Variants in SLC45A4 observed in about 807,000 individuals in gnomAD.
SLC45A4 encodes solute carrier family 45 member 4.
SLC45A4 carries 32 observed loss-of-function variants against 63.7 expected under a neutral mutation model. The ratio of observed to expected loss-of-function variants is 0.50; its 90% CI spans 0.38 to 0.67. The LOEUF is 0.67. SLC45A4 is among the 30% of genes least tolerant of loss of function. SLC45A4 has a pLI of 0.00. For synonymous variants in SLC45A4, 535 were observed against 510.0 expected, an observed-to-expected ratio of 1.05 and a Z score of -0.66; for missense variants, 1,027 against 1,157.7, an observed-to-expected ratio of 0.89 and a Z score of 1.64.
Position 141,211,621 on chromosome 8 carries a change from TAAAG to T in SLC45A4, c.2374_2377del (p.Leu792MetfsTer60). The T allele has an allele frequency of 1.9e-6, 3 of 1,612,114 alleles. No individual in the cohort carries two copies. The highest frequency in any genetic ancestry group is 1.1e-5 in the South Asian group (1 of 90,874). On this transcript the variant is annotated frameshift_variant, in exon 9 of 9. Transcript: ENST00000517878. LOFTEE classifies it low-confidence loss of function (END_TRUNC). The stretch of plus-strand genomic sequence containing the variant: ...GAAAATTTTTTTTCTAAAATAATCA[TAAAG>T]AAAAATACTCTCCAACAGCTGCGGC...
rs905647777 is a variant in SLC45A4 at position 141,254,989 on chromosome 8, C to T, written c.-400-360G>A. Among the ~76,000 whole-genome samples the T allele has an allele frequency of 5.3e-5, 8 of 152,094 alleles. No homozygotes were observed. The highest frequency in any genetic ancestry group is 2.0e-4 in the Admixed American group (3 of 15,272). ...ATTCCAGCAGGCTGGAGGCAGCTGG[C>T]GACACCCTTTGTGGCTGCAGATATC... is the stretch of plus-strand genomic sequence containing the variant. On this transcript the variant is annotated intron_variant, in intron 1 of 8. Transcript: ENST00000517878. This position sits in a 1 kb window ranked among gnomAD's most constrained non-coding sequence, Gnocchi z 4.5.
chr8:141,289,787 C>T (rs1401796556), intron 1 of SLC45A4, among the ~76,000 whole-genome samples: 1 of 152,044 alleles, frequency 6.6e-6, no homozygotes, highest in African/African-American at 2.4e-5. Context: ...GTCTTCCAGC[C>T]CAGCCCAGGG....
intron 2 of SLC45A4, chr8:141,252,648 CGTCTGTG>C (rs2154614667): frequency 9.3e-6 from 1 of 107,530 alleles, no homozygotes; most frequent in South Asian, 3.1e-4. Context: ...TGCCCACCTG[CGTCTGTG>C]AATTTCCGTT....
chr8:141,274,852 C>T (rs1260310401), intron 1 of SLC45A4, among the ~76,000 whole-genome samples: 1 of 152,222 alleles, frequency 6.6e-6, no homozygotes, highest in African/African-American at 2.4e-5. Context: ...CTGCAAAACC[C>T]TTCTACTTCC....
chr8:141,260,927 G>C, intron 1 of SLC45A4, among the ~76,000 whole-genome samples: 1 of 152,158 alleles, frequency 6.6e-6, no homozygotes. Context: ...AACCAAAAAA[G>C]AGAATTTTAG....
In SLC45A4 at chr8:141,228,589, T is replaced by A. The variant is rs1042804164; in HGVS notation, c.242-6824A>T. On this transcript the variant is annotated intron_variant, in intron 2 of 8. Transcript: ENST00000517878. ...CTGCCCTATCAGCACAGCCACCCAT[T>A]CTCGGCTCTTTAAAACAGATGTTGC... 9 of 1,159,376 alleles carry A rather than the reference T, an allele frequency of 7.8e-6. No individual in the cohort carries two copies. The African/African-American group carries it at 1.3e-4, about 16-fold the overall frequency. 71.8% of individuals were successfully genotyped at this position (1,159,376 alleles called of 1,614,324 possible). A position where few individuals can be genotyped will look rare whatever the true frequency, so the allele number is the denominator to read the frequency against.
intron 1 of SLC45A4, among the ~76,000 whole-genome samples, chr8:141,281,184 C>G (rs546189866): frequency 1.3e-5 from 2 of 152,036 alleles, no homozygotes; most frequent in African/African-American, 4.8e-5. Flanking sequence ...ACTAAAAGTA[C>G]AAAAATTAGC....
Position 141,227,400 on chromosome 8 carries a change from ATTCT to A in SLC45A4, c.242-5639_242-5636del, listed in dbSNP as rs1351360768. On this transcript the variant is annotated intron_variant, in intron 2 of 8. Coordinates refer to ENST00000517878, the MANE Select transcript of SLC45A4 (RefSeq NM_001286646.2). The surrounding 1 kb of genome is among the most constrained non-coding windows in gnomAD (Gnocchi z 4.4). ...ATCCGCAATGGGAACAGGAACTTGC[ATTCT>A]TTCTTTCAATGGACAAAGCTTCCAC... Among the ~76,000 whole-genome samples the A allele has an allele frequency of 1.3e-5, 2 of 152,220 alleles. No homozygotes were observed. Among genetic ancestry groups the A allele is most frequent in the Non-Finnish European group, 2.9e-5 (2 of 68,034 alleles).
At position 141,254,356 on chromosome 8, in the gene SLC45A4, C is replaced by G. The variant is rs969972588; in HGVS notation, c.-127G>C. 8 of 1,098,732 alleles carry G rather than the reference C, an allele frequency of 7.3e-6. No individual in the cohort carries two copies. In the African/African-American group the frequency reaches 1.3e-4, roughly 17 times the overall value. 68.1% of individuals were successfully genotyped at this position (1,098,732 alleles called of 1,614,324 possible). A position where few individuals can be genotyped will look rare whatever the true frequency, so the allele number is the denominator to read the frequency against. On this transcript the variant is annotated 5_prime_UTR_variant, in exon 2 of 9. Coordinates refer to ENST00000517878, the MANE Select transcript of SLC45A4 (RefSeq NM_001286646.2). This position sits in a 1 kb window ranked among gnomAD's most constrained non-coding sequence, Gnocchi z 4.5. ...TGCTGTGTTCCTCGGGCAGGTAACA[C>G]TTACATTCCTCTTTGCACAAGTGGC...
At chr8:141,242,618 C>A (rs375946137) in intron 2 of SLC45A4, among the ~76,000 whole-genome samples, 1 of 152,318 alleles carries the variant, frequency 6.6e-6, no homozygotes, top group South Asian at 2.1e-4. Context: ...CGTGGTACAT[C>A]GGTGAGTGCC....
chr8:141,218,060 A>G lies in SLC45A4; in HGVS notation c.1580T>C (p.Val527Ala), dbSNP rs765816921. The change falls in exon 5 of 9, where the codon GTG (valine) becomes GCG (alanine). Residue 527 changes from valine (V) to alanine (A), a missense_variant. By Grantham distance (64) the Val-to-Ala change is moderately conservative. Coordinates refer to ENST00000517878, the MANE Select transcript of SLC45A4 (RefSeq NM_001286646.2). ...CTGGCCCATGAAGTCGGTGTAGAAC[A>G]CGGCCTCGGCGATGACAGAGAACCA... ...LTWFSVIAEA[V>A]FYTDFMGQVI... 1.9e-6 allele frequency: 3 copies of G among 1,608,176 alleles called. No individual in the cohort carries two copies. In the South Asian group the frequency reaches 3.3e-5, roughly 18 times the overall value.
At chr8:141,258,382 C>T (rs1386463501) in intron 1 of SLC45A4, among the ~76,000 whole-genome samples, 2 of 152,220 alleles carry the variant, frequency 1.3e-5, no homozygotes. Flanking sequence ...CCAAGCAGCT[C>T]AGCTGCGCTC....
At chr8:141,299,116 G>A (rs953849096) in intron 1 of SLC45A4, among the ~76,000 whole-genome samples, 6 of 152,274 alleles carry the variant, frequency 3.9e-5, no homozygotes, top group Admixed American at 6.5e-5. Context: ...GAGTGCTGGA[G>A]ACAGAAACCC....
intron 1 of SLC45A4, among the ~76,000 whole-genome samples, chr8:141,261,997 T>C (rs1436217246): frequency 6.6e-6 from 1 of 152,130 alleles, no homozygotes; most frequent in Non-Finnish European, 1.5e-5. Flanking sequence ...CAAAACAGCA[T>C]GGTACTGGTA....
At chr8:141,245,136 A>C (rs1421767065) in intron 2 of SLC45A4, among the ~76,000 whole-genome samples, 1 of 152,190 alleles carries the variant, frequency 6.6e-6, no homozygotes, top group Non-Finnish European at 1.5e-5. Flanking sequence ...CAGTAATAAC[A>C]GCTAACAATT....
At chr8:141,252,367 T>C (rs1280101043) in intron 2 of SLC45A4, 2 of 164,222 alleles carry the variant, frequency 1.2e-5, no homozygotes, top group African/African-American at 4.9e-5. Flanking sequence ...GCGTCTCTGT[T>C]AATTTCCGTG....
At position 141,215,624 on chromosome 8, in the gene SLC45A4, C is replaced by T; in HGVS notation, c.1941+135G>A. 2 of 864,690 alleles carry T rather than the reference C, an allele frequency of 2.3e-6. No homozygotes were observed. The highest frequency in any genetic ancestry group is 3.6e-6 in the Non-Finnish European group (2 of 554,418). The allele number at this position is 864,690 out of a possible 1,614,324, so 53.6% of individuals were successfully genotyped here. On this transcript the variant is annotated intron_variant, in intron 7 of 8. Transcript: ENST00000517878. The surrounding 1 kb of genome is among the most constrained non-coding windows in gnomAD (Gnocchi z 4.3). Reference sequence around the variant, plus strand: ...TGGCTCTGTGGGCTTTGGAAGGGGCCATCTCAGAACCGGAGAGGAAGGAGG... The same window carrying T: ...TGGCTCTGTGGGCTTTGGAAGGGGCTATCTCAGAACCGGAGAGGAAGGAGG...
intron 2 of SLC45A4, among the ~76,000 whole-genome samples, chr8:141,249,181 C>T (rs147472593): frequency 6.6e-6 from 1 of 152,224 alleles, no homozygotes; most frequent in Non-Finnish European, 1.5e-5. Context: ...CAAGATGGTA[C>T]CGTCACCCTG....
At position 141,218,811 on chromosome 8, in the gene SLC45A4, G is replaced by C. The variant is rs1403021685; in HGVS notation, c.829C>G (p.Pro277Ala). 1.2e-6 allele frequency: 2 copies of C among 1,613,026 alleles called. No individual in the cohort carries two copies. Among genetic ancestry groups the C allele is most frequent in the South Asian group, 2.2e-5 (2 of 91,052 alleles). Residue 277 changes from proline (P) to alanine (A), a missense_variant, in exon 5 of 9, where the codon CCG becomes GCG. By Grantham distance (27) the Pro-to-Ala change is conservative (BLOSUM62 -1). Coordinates refer to ENST00000517878, the MANE Select transcript of SLC45A4 (RefSeq NM_001286646.2). Reference sequence around the variant, plus strand: ...TCTGGGAAGGCAGGGACGCCGTGCGGCTCGCCCCCATCCAGGGCGCCGGGC... The same window carrying C: ...TCTGGGAAGGCAGGGACGCCGTGCGCCTCGCCCCCATCCAGGGCGCCGGGC... ...EEPGALDGGEPHGVPAFPDEV... is the reference protein window; with the variant it reads ...EEPGALDGGEAHGVPAFPDEV...
Sources: allele counts gnomAD v4.1 joint callset (sites outside exome capture counted in the v4.1 genomes callset), GRCh38; gene constraint gnomAD v4.1.1; non-coding constraint Gnocchi (gnomAD v3.1); transcripts MANE v1.5; gene names NCBI Gene and HGNC (gene_info 2026-07-23, HGNC 2026-07-21).